PRKD3: variants seen among roughly 807,000 people sequenced by gnomAD.
The protein encoded by PRKD3 is serine/threonine-protein kinase D3.
PRKD3 carries 47 observed loss-of-function variants against 99.2 expected under a neutral mutation model. The ratio of observed to expected loss-of-function variants is 0.47; its 90% confidence interval spans 0.38 to 0.60. The LOEUF is 0.60. Among genes scored for constraint, PRKD3 ranks in the 20% least tolerant of loss-of-function variants. The probability of loss-of-function intolerance (pLI) is 0.00; values close to 1 mark genes in which losing one functional copy is unlikely to be tolerated. For synonymous variants in PRKD3, 392 were observed against 355.4 expected, an observed-to-expected ratio of 1.10 and a Z score of -1.16; for missense variants, 1,019 against 1,088.4, an observed-to-expected ratio of 0.94 and a Z score of 0.90.
Position 37,256,644 on chromosome 2 carries a change from T to G in PRKD3, c.2413+18A>C. The G allele has an allele frequency of 7.2e-7, 1 of 1,396,758 alleles. No individual in the cohort carries two copies. Among genetic ancestry groups the G allele is most frequent in the Non-Finnish European group, 9.3e-7 (1 of 1,077,806 alleles). 86.5% of individuals were successfully genotyped at this position (1,396,758 alleles called of 1,614,324 possible). A position where few individuals can be genotyped will look rare whatever the true frequency, so the allele number is the denominator to read the frequency against. ...ATAGCCAAAATTTTTTTTTTTTTTT[T>G]TTTTTTTTTTTTTTTACCTTCACCA... On this transcript the variant is annotated intron_variant, in intron 17 of 18. Transcript: ENST00000234179.
rs1667590108 is a variant in PRKD3, at chr2:37,252,697, C to T, written c.*480G>A. On this transcript the variant is annotated 3_prime_UTR_variant, in exon 19 of 19. Transcript: ENST00000234179. ...GTTAAAAGTCCTTATAGTAACATCA[C>T]ATAATGGTAACCTCACAGTTACCTC... 6.6e-6 allele frequency: 1 copy of T among 152,006 alleles called. No individual in the cohort carries two copies. The highest frequency in any genetic ancestry group is 6.6e-5 in the Admixed American group (1 of 15,242). 9.4% of individuals were successfully genotyped at this position (152,006 alleles called of 1,614,324 possible).
intron 2 of PRKD3, among the ~76,000 whole-genome samples, chr2:37,305,149 CA>C (rs1326848429): frequency 1.3e-5 from 2 of 151,758 alleles, no homozygotes; most frequent in African/African-American, 4.8e-5. Context: ...TTTTTGACAA[CA>C]AAAGATACAG....
At chr2:37,277,569 C>T (rs1263359276) in intron 9 of PRKD3, among the ~76,000 whole-genome samples, 1 of 152,122 alleles carries the variant, frequency 6.6e-6, no homozygotes, top group South Asian at 2.1e-4. Flanking sequence ...TTAGTTCCTT[C>T]TATCTCTATT....
rs115157680 is a variant in PRKD3, at chr2:37,316,224, G to A, written c.288+13C>T. On this transcript the variant is annotated intron_variant, in intron 2 of 18. Transcript: ENST00000234179. ...ACAATATTATTTACTACTGATAATAGCACACACAGTACCTTTTGATAAACT... is the reference window on the plus strand; with the variant it reads ...ACAATATTATTTACTACTGATAATAACACACACAGTACCTTTTGATAAACT... 1.0e-3 allele frequency: 1,653 copies of A among 1,590,592 alleles called. 15 individuals are homozygous for A. In the African/African-American group the frequency reaches 0.017, roughly 16 times the overall value.
intron 14 of PRKD3, among the ~76,000 whole-genome samples, chr2:37,265,518 C>A (rs1436747144): frequency 1.3e-5 from 2 of 152,112 alleles, no homozygotes; most frequent in Admixed American, 6.5e-5. Context: ...AACACACACA[C>A]AGAGTGGGTC....
At chr2:37,309,838 C>A (rs1050584683) in intron 2 of PRKD3, among the ~76,000 whole-genome samples, 2 of 116,466 alleles carry the variant, frequency 1.7e-5, no homozygotes, top group African/African-American at 6.4e-5. Flanking sequence ...CAGAGCGAGA[C>A]TCCGTCTCAA....
intron 2 of PRKD3, among the ~76,000 whole-genome samples, chr2:37,305,034 A>C (rs1671096271): frequency 6.6e-6 from 1 of 152,190 alleles, no homozygotes; most frequent in South Asian, 2.1e-4. Flanking sequence ...TAGACAAAAA[A>C]AGTAGGGGTA....
intron 2 of PRKD3, among the ~76,000 whole-genome samples, chr2:37,308,757 T>G (rs750844760): frequency 1.3e-5 from 2 of 152,076 alleles, no homozygotes; most frequent in Non-Finnish European, 2.9e-5. Context: ...GCCCAGCTAG[T>G]GTCAGGTATT....
At chr2:37,265,014 C>T (rs1378531644) in intron 14 of PRKD3, among the ~76,000 whole-genome samples, 8 of 152,024 alleles carry the variant, frequency 5.3e-5, no homozygotes, top group African/African-American at 7.3e-5. Context: ...TAATAATATG[C>T]GCAATCTTCA....
At chr2:37,312,143 G>A (rs1392690376) in intron 2 of PRKD3, among the ~76,000 whole-genome samples, 1 of 152,102 alleles carries the variant, frequency 6.6e-6, no homozygotes, top group Non-Finnish European at 1.5e-5. Flanking sequence ...AATGCTCAAT[G>A]ATAAGAGTAA....
intron 9 of PRKD3, among the ~76,000 whole-genome samples, chr2:37,277,528 T>C (rs1669636376): frequency 6.6e-6 from 1 of 152,202 alleles, no homozygotes; most frequent in South Asian, 2.1e-4. Context: ...CTTCCTATCT[T>C]TGGTAATAAG....
chr2:37,261,462 G>A (rs995608664), intron 14 of PRKD3, among the ~76,000 whole-genome samples: 2 of 151,244 alleles, frequency 1.3e-5, no homozygotes, highest in African/African-American at 4.9e-5. Flanking sequence ...ACTCCAGCCT[G>A]GGAGACAGAG....
chr2:37,275,225 A>C (rs1669508730), intron 10 of PRKD3, among the ~76,000 whole-genome samples: 1 of 152,136 alleles, frequency 6.6e-6, no homozygotes, highest in East Asian at 1.9e-4. Flanking sequence ...AACAAACAAA[A>C]AAACACCTGC....
rs754092348 is a variant in PRKD3, at chr2:37,287,230, C to CAAAAAAAAAAAAA, written c.718-874_718-862dup. ...GGGCAACAAGAGCGAAACTCCATCT[C>CAAAAAAAAAAAAA]AAAAAAAAAAAAAAAAAAAAAAAAA... On this transcript the variant is annotated intron_variant, in intron 5 of 18. Transcript: ENST00000234179. Among the ~76,000 whole-genome samples the CAAAAAAAAAAAAA allele has an allele frequency of 2.8e-4, 15 of 53,652 alleles. 1 individual carries two copies. The highest frequency in any genetic ancestry group is 9.4e-4 in the South Asian group (1 of 1,068). 35.2% of individuals were successfully genotyped at this position (53,652 alleles called of 152,430 possible). A position where few individuals can be genotyped will look rare whatever the true frequency, so the allele number is the denominator to read the frequency against.
chr2:37,299,015 A>G, intron 2 of PRKD3, among the ~76,000 whole-genome samples: 1 of 133,378 alleles, frequency 7.5e-6, no homozygotes, highest in South Asian at 2.3e-4. Flanking sequence ...ATCTTAGAGG[A>G]AAGGCTTTCA....
At chr2:37,262,616 T>A (rs1273352012) in intron 14 of PRKD3, among the ~76,000 whole-genome samples, 2 of 152,200 alleles carry the variant, frequency 1.3e-5, no homozygotes, top group African/African-American at 4.8e-5. Context: ...ATATTATAAC[T>A]TTTATCAACA....
chr2:37,259,959 G>C (rs1294458519), intron 15 of PRKD3, among the ~76,000 whole-genome samples: 1 of 152,160 alleles, frequency 6.6e-6, no homozygotes, highest in Non-Finnish European at 1.5e-5. Context: ...GAGGCAAGGA[G>C]TTCGAGACCA....
At chr2:37,270,461 T>G (rs1037822245) in intron 12 of PRKD3, among the ~76,000 whole-genome samples, 1 of 152,040 alleles carries the variant, frequency 6.6e-6, no homozygotes, top group South Asian at 2.1e-4. Flanking sequence ...AATCCATTCC[T>G]CTATCTTTCC....
chr2:37,264,860 A>C (rs1400914024), intron 14 of PRKD3, among the ~76,000 whole-genome samples: 1 of 152,178 alleles, frequency 6.6e-6, no homozygotes, highest in African/African-American at 2.4e-5. Flanking sequence ...GGATGTGCTC[A>C]TTTCTGTTAA....
Sources: gnomAD v4.1 joint callset for allele counts (sites outside exome capture counted in the v4.1 genomes callset) on GRCh38, gnomAD v4.1.1 for gene constraint, MANE v1.5 for transcripts, NCBI Gene and HGNC (gene_info 2026-07-23, HGNC 2026-07-21) for gene names.